Variants in CREB3L1 observed in about 807,000 individuals in gnomAD.
CREB3L1 encodes cyclic AMP-responsive element-binding protein 3-like protein 1.
A neutral mutation model predicts 54.5 loss-of-function variants in CREB3L1; 33 were observed. That is an observed-to-expected ratio of 0.61 (90% CI 0.46 to 0.81). CREB3L1 has a LOEUF of 0.81. Among genes scored for constraint, CREB3L1 ranks in the 30% least tolerant of loss-of-function variants. The pLI, the probability that CREB3L1 is intolerant of heterozygous loss-of-function variation, is 0.00. For missense variants in CREB3L1, 656 were observed against 673.3 expected, an observed-to-expected ratio of 0.97 and a Z score of 0.29; for synonymous variants, 284 against 286.4, an observed-to-expected ratio of 0.99 and a Z score of 0.08.
chr11:46,320,343 G>T lies in CREB3L1; in HGVS notation c.1338G>T (p.Glu446Asp). 3 of 1,612,360 alleles carry T rather than the reference G, an allele frequency of 1.9e-6. No homozygotes were observed. Among genetic ancestry groups the T allele is most frequent in the East Asian group, 2.2e-5 (1 of 44,820 alleles). ...EDGRSTLLPM[E>D]PPDGWEINPG... ...GCCGCAGCACCCTGCTGCCCATGGA[G>T]CCCCCAGATGGCTGGGAAATCAACC... is the stretch of plus-strand genomic sequence containing the variant. Residue 446 changes from glutamate to aspartate, a missense_variant, in exon 11 of 12, where the codon GAG becomes GAT. Around this residue, in one of 3 missense-constraint regions of CREB3L1, gnomAD observed 240 missense variants for 219.8 expected, o/e 1.09. Transcript: ENST00000621158.
intron 2 of CREB3L1, among the ~76,000 whole-genome samples, chr11:46,301,506 C>T (rs1456028790): frequency 1.3e-5 from 2 of 151,970 alleles, no homozygotes; most frequent in African/African-American, 4.8e-5. Context: ...GCATGATGCC[C>T]TCCATCACAT....
intron 3 of CREB3L1, among the ~76,000 whole-genome samples, chr11:46,308,952 G>A (rs1382393716): frequency 6.6e-6 from 1 of 152,224 alleles, no homozygotes. Flanking sequence ...ACTTCAGAAA[G>A]GGAAACTGAG....
Position 46,312,374 on chromosome 11 carries a change from G to A in CREB3L1, c.803G>A (p.Arg268Gln), listed in dbSNP as rs200508700. ...GPLLLTEEEK[R>Q]TLIAEGYPIP... ...CTGCTCCTGACAGAGGAGGAGAAGC[G>A]GACCCTGATTGCTGAGGGCTACCCC... Residue 268 changes from arginine to glutamine, a missense_variant, in exon 6 of 12, where the codon CGG (arginine) becomes CAG (glutamine). Around this residue, in one of 3 missense-constraint regions of CREB3L1, gnomAD observed 77 missense variants for 122.0 expected, o/e 0.63. Coordinates refer to ENST00000621158, the MANE Select transcript of CREB3L1 (RefSeq NM_052854.4). The A allele has an allele frequency of 1.0e-4, 163 of 1,613,056 alleles. No individual in the cohort carries two copies. Among genetic ancestry groups the A allele is most frequent in the Non-Finnish European group, 1.3e-4 (156 of 1,179,562 alleles).
intron 8 of CREB3L1, among the ~76,000 whole-genome samples, chr11:46,314,783 C>A (rs973786578): frequency 8.6e-5 from 13 of 151,784 alleles, no homozygotes; most frequent in African/African-American, 3.1e-4. Flanking sequence ...TCTCGGCTCA[C>A]TGCAACCTCC....
rs1408736407 is a variant in CREB3L1 at position 46,320,255 on chromosome 11, C to T, written c.1259-9C>T. ...TGGGCACACCGCTCATCCTACACTCCCTCTCCAGTGCCCTCCCGAAGCCTC... is the reference window on the plus strand; with the variant it reads ...TGGGCACACCGCTCATCCTACACTCTCTCTCCAGTGCCCTCCCGAAGCCTC... On this transcript the variant is annotated splice_polypyrimidine_tract_variant and intron_variant, in intron 10 of 11. Transcript: ENST00000621158. The T allele has an allele frequency of 1.3e-6, 2 of 1,587,028 alleles. No homozygotes were observed. The highest frequency in any genetic ancestry group is 1.7e-6 in the Non-Finnish European group (2 of 1,166,436).
chr11:46,278,277 C>A lies in CREB3L1; in HGVS notation c.102+64C>A. On this transcript the variant is annotated intron_variant, in intron 1 of 11. Transcript: ENST00000621158. This position sits in a 1 kb window ranked among gnomAD's most constrained non-coding sequence, Gnocchi z 4.2. The stretch of plus-strand genomic sequence containing the variant: ...CACCCGTCCTCGCGGCGCGCCTGGG[C>A]CCCTAGAAGGACCCGACTACACATC... 9.2e-7 allele frequency: 1 copy of A among 1,092,288 alleles called. No homozygotes were observed. The highest frequency in any genetic ancestry group is 1.3e-6 in the Non-Finnish European group (1 of 753,824). The allele number at this position is 1,092,288 out of a possible 1,614,324, so 67.7% of individuals were successfully genotyped here.
chr11:46,287,464 AATTTTTTGT>A, intron 1 of CREB3L1, among the ~76,000 whole-genome samples: 1 of 151,820 alleles, frequency 6.6e-6, no homozygotes, highest in South Asian at 2.1e-4. Context: ...ATGTCTGGCT[AATTTTTTGT>A]ATTTTTTGTA....
chr11:46,315,209 T>C (rs1939549071), intron 8 of CREB3L1: 2 of 331,952 alleles, frequency 6.0e-6, no homozygotes, highest in Non-Finnish European at 1.2e-5. Flanking sequence ...TGTTCCCTGA[T>C]TGGCCTGGAG....
At chr11:46,301,669 A>G (rs1939304849) in intron 2 of CREB3L1, among the ~76,000 whole-genome samples, 1 of 150,506 alleles carries the variant, frequency 6.6e-6, no homozygotes, top group African/African-American at 2.4e-5. Flanking sequence ...TCCCAAAAAA[A>G]AAAAATAGAC....
chr11:46,291,258 TC>T (rs35344035), intron 1 of CREB3L1, among the ~76,000 whole-genome samples: 1 of 152,182 alleles, frequency 6.6e-6, no homozygotes, highest in Non-Finnish European at 1.5e-5. Context: ...TGCACTCCCA[TC>T]CCCAGCTCTC....
intron 1 of CREB3L1, among the ~76,000 whole-genome samples, chr11:46,289,787 A>C (rs1200801379): frequency 6.6e-6 from 1 of 152,228 alleles, no homozygotes; most frequent in African/African-American, 2.4e-5. Context: ...AGTTGGGATC[A>C]GTTTCTGACA....
chr11:46,311,342 T>G lies in CREB3L1; in HGVS notation c.753+153T>G, dbSNP rs4625425. Among the ~76,000 whole-genome samples the G allele has an allele frequency of 0.27, 40,561 of 152,082 alleles. 6,959 individuals carry two copies. The highest frequency in any genetic ancestry group is 0.49 in the African/African-American group (20,388 of 41,420). Reference sequence around the variant, plus strand: ...ATGCTTACCTGGCAGATGGGAGTTCTAATCCTTTTATTTTTGAGTCTTGCT... The same window carrying G: ...ATGCTTACCTGGCAGATGGGAGTTCGAATCCTTTTATTTTTGAGTCTTGCT... On this transcript the variant is annotated intron_variant, in intron 5 of 11. Transcript: ENST00000621158.
chr11:46,305,746 A>ATATATAT (rs1182288210), intron 2 of CREB3L1, among the ~76,000 whole-genome samples: 61 of 129,284 alleles, frequency 4.7e-4, no homozygotes, highest in African/African-American at 1.9e-3. Flanking sequence ...ATATATATAT[A>ATATATAT]TTTTTTTTTA....
intron 2 of CREB3L1, among the ~76,000 whole-genome samples, chr11:46,301,351 T>C (rs556269776): frequency 1.3e-5 from 2 of 151,286 alleles, no homozygotes; most frequent in East Asian, 3.9e-4. Context: ...AAAATAATAA[T>C]AACTGGCTGG....
At chr11:46,296,810 C>A (rs768328450) in intron 1 of CREB3L1, among the ~76,000 whole-genome samples, 5 of 152,280 alleles carry the variant, frequency 3.3e-5, no homozygotes, top group Admixed American at 6.5e-5. Flanking sequence ...AAGCTCCATC[C>A]TGCTGGGTTT....
At chr11:46,286,542 T>C (rs10838595) in intron 1 of CREB3L1, among the ~76,000 whole-genome samples, 48,739 of 152,116 alleles carry the variant, frequency 0.32, 11,544 homozygotes, top group African/African-American at 0.67. Context: ...CTCATGCCTG[T>C]AATCCCAGCA....
intron 1 of CREB3L1, among the ~76,000 whole-genome samples, chr11:46,292,340 C>A (rs11038852): frequency 1.3e-5 from 2 of 151,954 alleles, no homozygotes; most frequent in African/African-American, 4.8e-5. Flanking sequence ...AAGGGCCTGA[C>A]TCCATAAGCT....
Position 46,278,194 on chromosome 11 carries a change from C to A in CREB3L1, c.83C>A (p.Ser28Ter). ...SFLDLGDLNESDFLNNAHFPE... is the reference protein window; with the variant it reads ...SFLDLGDLNE The stretch of plus-strand genomic sequence containing the variant: ...CTGGACTTGGGGGATCTGAACGAGT[C>A]GGACTTCCTCAACAATGCGGTAAGA... The change falls in exon 1 of 12, where the codon TCG becomes TAG. Residue 28 changes from serine to a stop codon, truncating the protein, a stop_gained. Coordinates refer to ENST00000621158, the MANE Select transcript of CREB3L1 (RefSeq NM_052854.4). LOFTEE classifies it high-confidence loss of function. The surrounding 1 kb of genome is among the most constrained non-coding windows in gnomAD (Gnocchi z 4.2). 6.4e-7 allele frequency: 1 copy of A among 1,571,778 alleles called. No homozygotes were observed. Among genetic ancestry groups the A allele is most frequent in the Non-Finnish European group, 8.6e-7 (1 of 1,158,226 alleles).
chr11:46,300,469 C>A (rs966440024), intron 2 of CREB3L1, among the ~76,000 whole-genome samples: 11 of 152,262 alleles, frequency 7.2e-5, no homozygotes, highest in African/African-American at 2.7e-4. Flanking sequence ...CACCCCCAAC[C>A]TGCTGAATCA....
Sources: allele counts gnomAD v4.1 joint callset (sites outside exome capture counted in the v4.1 genomes callset), GRCh38; gene constraint gnomAD v4.1.1; regional missense constraint gnomAD v4.1.1; non-coding constraint Gnocchi (gnomAD v3.1); transcripts MANE v1.5; gene names NCBI Gene and HGNC (gene_info 2026-07-23, HGNC 2026-07-21).